Variants in GNAL observed in about 807,000 individuals in gnomAD.
GNAL encodes guanine nucleotide-binding protein G(olf) subunit alpha.
In GNAL, 18 loss-of-function variants were observed where a neutral mutation model predicts 55.1. That is an observed-to-expected ratio of 0.33 (90% CI 0.23 to 0.48). The LOEUF (loss-of-function observed/expected upper bound fraction) is 0.48. Among genes scored for constraint, GNAL ranks in the 20% least tolerant of loss-of-function variants. The probability of loss-of-function intolerance (pLI) is 0.99; values close to 1 mark genes in which losing one functional copy is unlikely to be tolerated. For missense variants in GNAL, 412 were observed against 614.1 expected (o/e 0.67, Z 3.48); for synonymous variants, 253 against 237.0 (o/e 1.07, Z -0.62).
At chr18:11,819,358 A>G (rs2035036318) in intron 4 of GNAL, among the ~76,000 whole-genome samples, 1 of 152,214 alleles carries the variant, frequency 6.6e-6, no homozygotes, top group South Asian at 2.1e-4. Flanking sequence ...TCAATATGAA[A>G]TAGAGTCATT....
intron 1 of GNAL, among the ~76,000 whole-genome samples, chr18:11,749,217 A>G (rs932141337): frequency 6.6e-6 from 1 of 151,712 alleles, no homozygotes; most frequent in Non-Finnish European, 1.5e-5. Context: ...GTGTGAATAT[A>G]TGTCTTTACA....
intron 1 of GNAL, among the ~76,000 whole-genome samples, chr18:11,727,294 C>T (rs1237402233): frequency 6.6e-6 from 1 of 152,238 alleles, no homozygotes; most frequent in African/African-American, 2.4e-5. Context: ...GGAGTCCCCA[C>T]ACTTTCCCAC....
intron 5 of GNAL, chr18:11,851,446 A>G (rs566722839): frequency 2.2e-5 from 32 of 1,464,162 alleles, no homozygotes; most frequent in African/African-American, 1.0e-4. Context: ...GAGCGGACTT[A>G]CCTTACCTTC....
chr18:11,736,019 G>A (rs1568003564), intron 1 of GNAL, among the ~76,000 whole-genome samples: 2 of 152,060 alleles, frequency 1.3e-5, no homozygotes, highest in Admixed American at 1.3e-4. Context: ...GTCTTGTCCC[G>A]CAACTTACTC....
intron 5 of GNAL, among the ~76,000 whole-genome samples, chr18:11,858,564 ACTC>A (rs2036061483): frequency 6.6e-6 from 1 of 152,160 alleles, no homozygotes; most frequent in South Asian, 2.1e-4. Flanking sequence ...TTGAAAAAGT[ACTC>A]CTGCAACATG....
At chr18:11,733,071 C>G (rs542854034) in intron 1 of GNAL, among the ~76,000 whole-genome samples, 1 of 151,800 alleles carries the variant, frequency 6.6e-6, no homozygotes, top group African/African-American at 2.4e-5. Context: ...GCTGTGGACA[C>G]CTGGACATGT....
intron 1 of GNAL, among the ~76,000 whole-genome samples, chr18:11,712,736 C>A (rs747003625): frequency 6.6e-6 from 1 of 152,134 alleles, no homozygotes; most frequent in Non-Finnish European, 1.5e-5. Flanking sequence ...TTCAGTTCTC[C>A]CTCTACAGGA....
chr18:11,801,929 C>T (rs2034532475), intron 4 of GNAL, among the ~76,000 whole-genome samples: 1 of 151,992 alleles, frequency 6.6e-6, no homozygotes, highest in East Asian at 1.9e-4. Context: ...CCTCCTTCAC[C>T]ATCTGTAAGG....
At chr18:11,784,144 G>A (rs2033994254) in intron 4 of GNAL, among the ~76,000 whole-genome samples, 1 of 152,270 alleles carries the variant, frequency 6.6e-6, no homozygotes, top group African/African-American at 2.4e-5. Context: ...TAGCAGCTAT[G>A]CTTCCTCATG....
Position 11,752,272 on chromosome 18 carries a change from G to A in GNAL, c.377-581G>A. ...AGTTTGCGGTGGGCAGGGGGAGGGA[G>A]AAGAAACGCCTGCTCTGAATCGGAA... On this transcript the variant is annotated intron_variant, in intron 1 of 11. Transcript: ENST00000334049. This position sits in a 1 kb window ranked among gnomAD's most constrained non-coding sequence, Gnocchi z 4.5. The A allele has an allele frequency of 7.2e-7, 1 of 1,391,072 alleles. No individual in the cohort carries two copies. Among genetic ancestry groups the A allele is most frequent in the Non-Finnish European group, 9.3e-7 (1 of 1,072,270 alleles). The allele number at this position is 1,391,072 out of a possible 1,614,324, so 86.2% of individuals were successfully genotyped here.
At position 11,752,194 on chromosome 18, in the gene GNAL, C is replaced by T; in HGVS notation, c.377-659C>T. 1.7e-6 allele frequency: 1 copy of T among 575,460 alleles called. No homozygotes were observed. The highest frequency in any genetic ancestry group is 2.7e-6 in the Non-Finnish European group (1 of 375,856). The allele number at this position is 575,460 out of a possible 1,614,324, so 35.6% of individuals were successfully genotyped here. A position where few individuals can be genotyped will look rare whatever the true frequency, so the allele number is the denominator to read the frequency against. Reference sequence around the variant, plus strand: ...ATCCAGCAGATTTTGAAACAATTCTCGTGTAAAAAGGCATTTTACTCCGCG... The same window carrying T: ...ATCCAGCAGATTTTGAAACAATTCTTGTGTAAAAAGGCATTTTACTCCGCG... On this transcript the variant is annotated intron_variant, in intron 1 of 11. Coordinates refer to ENST00000334049, the MANE Select transcript of GNAL (RefSeq NM_182978.4). This position sits in a 1 kb window ranked among gnomAD's most constrained non-coding sequence, Gnocchi z 4.5.
At chr18:11,755,604 T>G (rs1598431872) in intron 4 of GNAL, among the ~76,000 whole-genome samples, 6 of 152,202 alleles carry the variant, frequency 3.9e-5, no homozygotes, top group Admixed American at 3.9e-4. Flanking sequence ...AGCTTTTATT[T>G]TCATCCTTTA....
In GNAL at chr18:11,734,713, G is replaced by A. The variant is rs563400657; in HGVS notation, c.377-18140G>A. On this transcript the variant is annotated intron_variant, in intron 1 of 11. Coordinates refer to ENST00000334049, the MANE Select transcript of GNAL (RefSeq NM_182978.4). Reference sequence around the variant, plus strand: ...CTACCAGATCCTAAGCAGGACCACTGCTGGGGTCATTCTGTAGTTCACTCA... The same window carrying A: ...CTACCAGATCCTAAGCAGGACCACTACTGGGGTCATTCTGTAGTTCACTCA... 1.2e-3 allele frequency among the ~76,000 whole-genome samples: 175 copies of A among 151,540 alleles called. 1 individual carries two copies. Among genetic ancestry groups the A allele is most frequent in the Admixed American group, 1.7e-3 (26 of 15,156 alleles).
chr18:11,735,440 C>T (rs1478098038), intron 1 of GNAL, among the ~76,000 whole-genome samples: 1 of 152,124 alleles, frequency 6.6e-6, no homozygotes, highest in Non-Finnish European at 1.5e-5. Context: ...ATAAGAGTAG[C>T]TCACTGGTCT....
chr18:11,784,696 G>A (rs2034010322), intron 4 of GNAL, among the ~76,000 whole-genome samples: 1 of 152,160 alleles, frequency 6.6e-6, no homozygotes, highest in South Asian at 2.1e-4. Flanking sequence ...TGTTTAAAAG[G>A]AATGTATTAT....
chr18:11,794,676 T>C (rs1424895169), intron 4 of GNAL, among the ~76,000 whole-genome samples: 3 of 143,916 alleles, frequency 2.1e-5, no homozygotes, highest in Non-Finnish European at 3.0e-5. Context: ...ACGCTGTAAA[T>C]ACACTAACAC....
chr18:11,695,333 CA>C lies in GNAL; in HGVS notation c.376+5395del, dbSNP rs1339369385. On this transcript the variant is annotated intron_variant, in intron 1 of 11. Transcript: ENST00000334049. ...CTTACCGCTGATCTAACCTGGGTCA[CA>C]CAGACTTTTCTGCAGGCTGTGCACT... Among the ~76,000 whole-genome samples, 4 of 152,358 alleles carry C rather than the reference CA, an allele frequency of 2.6e-5. No homozygotes were observed. In the East Asian group the frequency reaches 7.7e-4, roughly 29 times the overall value.
chr18:11,690,913 T>G (rs1021220011), intron 1 of GNAL, among the ~76,000 whole-genome samples: 2 of 150,558 alleles, frequency 1.3e-5, no homozygotes, highest in African/African-American at 2.5e-5. Flanking sequence ...AGTGCTGCAA[T>G]AAACGTACGT....
chr18:11,749,137 A>C (rs1033780928), intron 1 of GNAL, among the ~76,000 whole-genome samples: 121 of 150,586 alleles, frequency 8.0e-4, no homozygotes, highest in South Asian at 3.2e-3. Flanking sequence ...AAAAAAAAAA[A>C]AAAAAAAAAA....
Sources: allele counts gnomAD v4.1 joint callset (sites outside exome capture counted in the v4.1 genomes callset), GRCh38; gene constraint gnomAD v4.1.1; non-coding constraint Gnocchi (gnomAD v3.1); transcripts MANE v1.5; gene names NCBI Gene and HGNC (gene_info 2026-07-23, HGNC 2026-07-21).